Variants in NR6A1 observed in about 807,000 individuals in gnomAD.
NR6A1 encodes the protein retinoic acid receptor-related testis-associated receptor.
In NR6A1, 7 loss-of-function variants were observed where a neutral mutation model predicts 59.1. The observed-to-expected ratio is 0.12, with a 90% CI of 0.07 to 0.22. The LOEUF is 0.22. Among genes scored for constraint, NR6A1 ranks in the 10% least tolerant of loss-of-function variants. The pLI is 1.00. For missense variants in NR6A1, 468 were observed against 611.6 expected, an observed-to-expected ratio of 0.77 and a Z score of 2.48; for synonymous variants, 243 against 236.1, an observed-to-expected ratio of 1.03 and a Z score of -0.27.
At chr9:124,637,892 C>CAAAA (rs796714741) in intron 2 of NR6A1, among the ~76,000 whole-genome samples, 3 of 78,992 alleles carry the variant, frequency 3.8e-5, no homozygotes, top group Admixed American at 1.8e-4. Context: ...ACTCCCTCTC[C>CAAAA]AAAAAAAAAA....
intron 2 of NR6A1, among the ~76,000 whole-genome samples, chr9:124,689,919 T>C (rs1838468807): frequency 6.6e-6 from 1 of 152,152 alleles, no homozygotes; most frequent in Non-Finnish European, 1.5e-5. Context: ...TGTAGCTCCC[T>C]AGTCAGATAG....
chr9:124,627,910 T>TC (rs1243616891), intron 2 of NR6A1, among the ~76,000 whole-genome samples: 71 of 90,298 alleles, frequency 7.9e-4, no homozygotes, highest in Admixed American at 2.6e-3. Flanking sequence ...TTTTTTTTTT[T>TC]CAAAACAAAG....
At chr9:124,577,207 T>G (rs1834628117) in intron 2 of NR6A1, among the ~76,000 whole-genome samples, 1 of 152,220 alleles carries the variant, frequency 6.6e-6, no homozygotes, top group Non-Finnish European at 1.5e-5. Flanking sequence ...ATACACTCAG[T>G]GCAATTATAC....
At chr9:124,530,378 C>A (rs1254045746) in intron 7 of NR6A1, among the ~76,000 whole-genome samples, 2 of 152,220 alleles carry the variant, frequency 1.3e-5, no homozygotes, top group Non-Finnish European at 2.9e-5. Context: ...CAAAGTTGTT[C>A]TCTGTTCCAC....
chr9:124,698,338 C>T (rs4838201), intron 2 of NR6A1: 91,549 of 151,926 alleles, frequency 0.6, 29,003 homozygotes, highest in African/African-American at 0.81. Flanking sequence ...TACCTACATT[C>T]GGCTGAAAAT....
intron 3 of NR6A1, among the ~76,000 whole-genome samples, chr9:124,552,493 C>A (rs1343218053): frequency 6.6e-6 from 1 of 152,142 alleles, no homozygotes; most frequent in East Asian, 1.9e-4. Flanking sequence ...CCTACTATGG[C>A]ATTCATCATC....
intron 2 of NR6A1, among the ~76,000 whole-genome samples, chr9:124,581,484 C>T (rs1055397558): frequency 1.3e-5 from 2 of 152,016 alleles, no homozygotes; most frequent in African/African-American, 2.4e-5. Context: ...CCCAGCTACT[C>T]GGGAGGCTGA....
intron 2 of NR6A1, among the ~76,000 whole-genome samples, chr9:124,570,284 C>G (rs984907684): frequency 5.9e-5 from 9 of 152,192 alleles, no homozygotes; most frequent in African/African-American, 2.2e-4. Flanking sequence ...ATTCTAAAAC[C>G]CTCTTTGGAG....
At chr9:124,542,089 T>C (rs116857402) in intron 4 of NR6A1, among the ~76,000 whole-genome samples, 5 of 152,222 alleles carry the variant, frequency 3.3e-5, no homozygotes, top group Admixed American at 2.0e-4. Flanking sequence ...TTCTAAAGAT[T>C]TGCTGTATCA....
rs750816520 is a variant in NR6A1, at chr9:124,620,305, A to AT, written c.143-65736dup. Among the ~76,000 whole-genome samples, 40 of 152,164 alleles carry AT rather than the reference A, an allele frequency of 2.6e-4. 1 individual carries two copies. Among genetic ancestry groups the AT allele is most frequent in the Non-Finnish European group, 3.2e-4 (22 of 68,026 alleles). On this transcript the variant is annotated intron_variant, in intron 2 of 9. Coordinates refer to ENST00000487099, the MANE Select transcript of NR6A1 (RefSeq NM_033334.4). Reference sequence around the variant, plus strand: ...AGTTTTATACTTCCGTAAATAAATAATTTTTCAGAATAGGCATGAAGTACT... The same window carrying AT: ...AGTTTTATACTTCCGTAAATAAATAATTTTTTCAGAATAGGCATGAAGTACT...
At position 124,519,452 on chromosome 9, in the gene NR6A1, A is replaced by T. The variant is rs931988044; in HGVS notation, c.*3253T>A. The stretch of plus-strand genomic sequence containing the variant: ...CAAAAGTCTACAAAGGCAGCCAGAG[A>T]GCATGAATAAGTTCCAAGATGCCAA... On this transcript the variant is annotated 3_prime_UTR_variant, in exon 10 of 10. Transcript: ENST00000487099. 6.6e-6 allele frequency: 1 copy of T among 152,234 alleles called. No individual in the cohort carries two copies. Among genetic ancestry groups the T allele is most frequent in the African/African-American group, 2.4e-5 (1 of 41,454 alleles). The allele number at this position is 152,234 out of a possible 1,614,324, so 9.4% of individuals were successfully genotyped here.
rs1308675712 is a variant in NR6A1 at position 124,526,280 on chromosome 9, A to ATGTGTGTG, written c.1201+498_1201+499insCACACACA. On this transcript the variant is annotated intron_variant, in intron 8 of 9. Coordinates refer to ENST00000487099, the MANE Select transcript of NR6A1 (RefSeq NM_033334.4). The stretch of plus-strand genomic sequence containing the variant: ...TTAAAAGCCATGCTTGATTGTGTGT[A>ATGTGTGTG]TGTGTGTATGTGTGTGTGTGTGTGT... Among the ~76,000 whole-genome samples, 3 of 144,826 alleles carry ATGTGTGTG rather than the reference A, an allele frequency of 2.1e-5. No homozygotes were observed. In the South Asian group the frequency reaches 6.5e-4, roughly 31 times the overall value.
At chr9:124,629,872 G>C (rs1228602498) in intron 2 of NR6A1, among the ~76,000 whole-genome samples, 1 of 152,152 alleles carries the variant, frequency 6.6e-6, no homozygotes, top group Non-Finnish European at 1.5e-5. Flanking sequence ...ACTGACTCCA[G>C]TGATACTGAT....
intron 2 of NR6A1, among the ~76,000 whole-genome samples, chr9:124,622,482 CTG>C (rs1836106003): frequency 2.0e-5 from 3 of 152,186 alleles, no homozygotes; most frequent in South Asian, 4.1e-4. Context: ...AATTGAAACA[CTG>C]TGTGTCAAAT....
At chr9:124,737,053 A>G (rs1368753538) in intron 1 of NR6A1, among the ~76,000 whole-genome samples, 1 of 152,144 alleles carries the variant, frequency 6.6e-6, no homozygotes, top group Admixed American at 6.5e-5. Flanking sequence ...ATGGAACCCT[A>G]ATATCACTAA....
At chr9:124,603,592 T>C (rs1289515629) in intron 2 of NR6A1, among the ~76,000 whole-genome samples, 1 of 152,210 alleles carries the variant, frequency 6.6e-6, no homozygotes, top group African/African-American at 2.4e-5. Flanking sequence ...AACCACCTGT[T>C]GCTGACGATC....
intron 2 of NR6A1, among the ~76,000 whole-genome samples, chr9:124,696,928 G>T (rs1301602751): frequency 6.6e-6 from 1 of 152,226 alleles, no homozygotes; most frequent in Non-Finnish European, 1.5e-5. Context: ...AAAGTGTTGG[G>T]ATTATAGGCG....
At chr9:124,652,835 G>C (rs374821974) in intron 2 of NR6A1, among the ~76,000 whole-genome samples, 283 of 152,306 alleles carry the variant, frequency 1.9e-3, no homozygotes, top group African/African-American at 5.9e-3. Context: ...GTAATGAGAT[G>C]TAAGTGCTCT....
At chr9:124,530,472 A>T (rs1833072359) in intron 7 of NR6A1, among the ~76,000 whole-genome samples, 2 of 152,224 alleles carry the variant, frequency 1.3e-5, no homozygotes, top group African/African-American at 4.8e-5. Flanking sequence ...TCTACAAATT[A>T]TCAGCATTCA....
Sources: allele counts gnomAD v4.1 joint callset (sites outside exome capture counted in the v4.1 genomes callset), GRCh38; gene constraint gnomAD v4.1.1; transcripts MANE v1.5; gene names NCBI Gene and HGNC (gene_info 2026-07-23, HGNC 2026-07-21).